Variants in PKHD1L1 observed in about 807,000 individuals in gnomAD.
The protein encoded by PKHD1L1 is fibrocystin-L.
In PKHD1L1, 434 loss-of-function variants were observed where a neutral mutation model predicts 462.9. The ratio of observed to expected loss-of-function variants is 0.94; its 90% confidence interval spans 0.87 to 1.02. The LOEUF (loss-of-function observed/expected upper bound fraction) is 1.02. Ranked by LOEUF, PKHD1L1 falls within the 50% of genes least tolerant of loss-of-function variation. The pLI, the probability that PKHD1L1 is intolerant of heterozygous loss-of-function variation, is 0.00. For synonymous variants in PKHD1L1, 1,781 were observed against 1,750.0 expected, an observed-to-expected ratio of 1.02 and a Z score of -0.44; for missense variants, 5,202 against 5,096.1, an observed-to-expected ratio of 1.02 and a Z score of -0.63.
chr8:109,465,478 G>A (rs540761486), intron 49 of PKHD1L1, among the ~76,000 whole-genome samples: 38 of 152,214 alleles, frequency 2.5e-4, no homozygotes, highest in African/African-American at 6.0e-4. Flanking sequence ...TCCTGCATTG[G>A]CACATTGATT....
intron 50 of PKHD1L1, chr8:109,470,292 C>T: frequency 1.4e-6 from 2 of 1,481,184 alleles, no homozygotes; most frequent in South Asian, 1.1e-5. Flanking sequence ...ATACTTGTAA[C>T]TGCAAAACGA....
rs1443525033 is a variant in PKHD1L1, at chr8:109,441,469, A to G, written c.4204+90A>G. On this transcript the variant is annotated intron_variant, in intron 34 of 77. Coordinates refer to ENST00000378402, the MANE Select transcript of PKHD1L1 (RefSeq NM_177531.6). ...ATTTATTTTATATTTCAAATTATTG[A>G]GAGACTAAGTATTGTTATTTCTTTT... The G allele has an allele frequency of 7.4e-6, 6 of 807,102 alleles. No homozygotes were observed. The Admixed American group carries it at 9.6e-5, about 13-fold the overall frequency. The allele number at this position is 807,102 out of a possible 1,614,324, so 50.0% of individuals were successfully genotyped here. A position where few individuals can be genotyped will look rare whatever the true frequency, so the allele number is the denominator to read the frequency against.
intron 21 of PKHD1L1, among the ~76,000 whole-genome samples, chr8:109,417,414 T>C (rs1030349598): frequency 6.6e-6 from 1 of 152,190 alleles, no homozygotes; most frequent in Admixed American, 6.5e-5. Flanking sequence ...GTATTACATT[T>C]GATGGAGTTC....
At chr8:109,399,611 A>G (rs554690245) in intron 12 of PKHD1L1, among the ~76,000 whole-genome samples, 1 of 152,252 alleles carries the variant, frequency 6.6e-6, no homozygotes, top group South Asian at 2.1e-4. Flanking sequence ...CTGAAAGCCA[A>G]CAATTTCTCT....
At chr8:109,448,437 A>G (rs1816285975) in intron 39 of PKHD1L1, 46 bp downstream of exon 39, 1 of 1,520,654 alleles carries the variant, frequency 6.6e-7, no homozygotes, top group Non-Finnish European at 8.8e-7. Flanking sequence ...GTTTCAGTAA[A>G]CACTTATTTA....
intron 48 of PKHD1L1, among the ~76,000 whole-genome samples, 197 bp from the exon 49 acceptor site, chr8:109,464,019 A>G (rs1197013062): frequency 6.6e-6 from 1 of 152,176 alleles, no homozygotes; most frequent in Non-Finnish European, 1.5e-5. Context: ...TCATTTTGTA[A>G]TAAGTGTGGT....
chr8:109,448,104 T>C, intron 38 of PKHD1L1, 39 bp from the exon 39 acceptor site: 1 of 1,511,002 alleles, frequency 6.6e-7, no homozygotes, highest in Non-Finnish European at 8.9e-7. Flanking sequence ...GTATTAATAG[T>C]TAGATATATT....
chr8:109,502,361 G>T (rs560726141), intron 67 of PKHD1L1, among the ~76,000 whole-genome samples: 14 of 152,234 alleles, frequency 9.2e-5, no homozygotes, highest in African/African-American at 3.4e-4. Flanking sequence ...GTCTTGTAAG[G>T]CTCTGTTGAG....
intron 2 of PKHD1L1, among the ~76,000 whole-genome samples, chr8:109,379,853 A>T (rs537662592): frequency 2.6e-5 from 4 of 152,308 alleles, no homozygotes; most frequent in Non-Finnish European, 4.4e-5. Flanking sequence ...AGTTCTAATT[A>T]TCATAAAGAA....
chr8:109,499,889 C>T (rs1033500811), intron 67 of PKHD1L1, among the ~76,000 whole-genome samples: 14 of 152,156 alleles, frequency 9.2e-5, no homozygotes, highest in African/African-American at 3.1e-4. Context: ...AAAATTGCCA[C>T]GGAGTTGATC....
chr8:109,520,195 T>G (rs1274870512), intron 73 of PKHD1L1, among the ~76,000 whole-genome samples: 1 of 152,030 alleles, frequency 6.6e-6, no homozygotes, highest in Non-Finnish European at 1.5e-5. Context: ...CCCAGAGTAA[T>G]AGTTAACTTT....
At position 109,532,564 on chromosome 8, in the gene PKHD1L1, G is replaced by C. The variant is rs568192884; in HGVS notation, c.*2474G>C. ...AAGTGGCTATCTAGCTCTTGAACAA[G>C]TCATAAAAATCCTTTGATGTGTGAA... On this transcript the variant is annotated 3_prime_UTR_variant, in exon 78 of 78. Coordinates refer to ENST00000378402, the MANE Select transcript of PKHD1L1 (RefSeq NM_177531.6). Among the ~76,000 whole-genome samples, 30 of 152,222 alleles carry C rather than the reference G, an allele frequency of 2.0e-4. No homozygotes were observed. The highest frequency in any genetic ancestry group is 6.5e-4 in the African/African-American group (27 of 41,534).
intron 55 of PKHD1L1, 41 bp from the exon 56 acceptor site, chr8:109,481,392 G>C: frequency 1.3e-6 from 2 of 1,506,580 alleles, no homozygotes; most frequent in African/African-American, 1.4e-5. Context: ...TTTTTTTCCT[G>C]GTCAATTTTT....
In PKHD1L1 at chr8:109,461,738, T is replaced by TC. The variant is rs770237508; in HGVS notation, c.7247-34_7247-33insC. The TC allele has an allele frequency of 6.0e-5, 95 of 1,584,248 alleles. No homozygotes were observed. In the South Asian group the frequency reaches 1.0e-3, roughly 17 times the overall value. On this transcript the variant is annotated intron_variant, in intron 47 of 77. Transcript: ENST00000378402. ...CTTCAATATAAGAGGATTCCGACAA[T>TC]TTTTTTAATGATGCTTTAAAAACTG... is the stretch of plus-strand genomic sequence containing the variant.
chr8:109,518,156 T>A lies in PKHD1L1; in HGVS notation c.11690-11T>A. 2 of 1,503,466 alleles carry A rather than the reference T, an allele frequency of 1.3e-6. No individual in the cohort carries two copies. The highest frequency in any genetic ancestry group is 2.4e-5 in the South Asian group (2 of 82,968). 93.1% of individuals were successfully genotyped at this position (1,503,466 alleles called of 1,614,324 possible). ...ACTTAGCTGTGATGTTCTGGCTTTT[T>A]TCCTTCATAGACCAATTCCTTCCTA... On this transcript the variant is annotated splice_polypyrimidine_tract_variant and intron_variant, in intron 72 of 77. Transcript: ENST00000378402.
At position 109,390,474 on chromosome 8, in the gene PKHD1L1, CT is replaced by C; in HGVS notation, c.722del (p.Leu241Ter). On this transcript the variant is annotated frameshift_variant, in exon 9 of 78. Coordinates refer to ENST00000378402, the MANE Select transcript of PKHD1L1 (RefSeq NM_177531.6). LOFTEE classifies it high-confidence loss of function. Reference sequence around the variant, plus strand: ...CAGGTCATCACAATGTCAGCTTCATCTTAGATAATGATTATGGAAGGTAGGC... The same window carrying C: ...CAGGTCATCACAATGTCAGCTTCATCTAGATAATGATTATGGAAGGTAGGC... Reference protein sequence around the residue: ...FIGHHNVSFILDNDYGRSFPQ... With the variant: ...FIGHHNVSFIXDNDYGRSFPQ... The C allele has an allele frequency of 6.9e-7, 1 of 1,446,350 alleles. No individual in the cohort carries two copies. Among genetic ancestry groups the C allele is most frequent in the Non-Finnish European group, 9.3e-7 (1 of 1,076,084 alleles). The allele number at this position is 1,446,350 out of a possible 1,614,324, so 89.6% of individuals were successfully genotyped here.
intron 55 of PKHD1L1, 126 bp downstream of exon 55, chr8:109,480,265 T>A: frequency 2.0e-6 from 2 of 980,596 alleles, no homozygotes; most frequent in Non-Finnish European, 3.0e-6. Context: ...TCTATCCCAT[T>A]AAATGCAAGT....
At chr8:109,475,460 A>G (rs908479815) in intron 51 of PKHD1L1, among the ~76,000 whole-genome samples, 191 bp downstream of exon 51, 1 of 152,172 alleles carries the variant, frequency 6.6e-6, no homozygotes, top group Admixed American at 6.6e-5. Context: ...TTTGAGAATC[A>G]GAAGTAAGCA....
intron 46 of PKHD1L1, among the ~76,000 whole-genome samples, chr8:109,457,223 C>A (rs1816875424): frequency 6.6e-6 from 1 of 152,022 alleles, no homozygotes; most frequent in South Asian, 2.1e-4. Flanking sequence ...TTCAAGATGG[C>A]ATTTTGAGTT....
Sources: allele counts gnomAD v4.1 joint callset (sites outside exome capture counted in the v4.1 genomes callset), GRCh38; gene constraint gnomAD v4.1.1; transcripts MANE v1.5; gene names NCBI Gene and HGNC (gene_info 2026-07-23, HGNC 2026-07-21).